The following TOGARAM1 variants were observed in gnomAD, a reference collection of about 807,000 sequenced individuals.
TOGARAM1 encodes TOG array regulator of axonemal microtubules protein 1.
Under a neutral mutation model 166.6 loss-of-function variants are expected in TOGARAM1, and 100 were observed. That is an observed-to-expected ratio of 0.60 (90% CI 0.51 to 0.71). The LOEUF (loss-of-function observed/expected upper bound fraction) is 0.71. Ranked by LOEUF, TOGARAM1 falls within the 30% of genes least tolerant of loss-of-function variation. The probability of loss-of-function intolerance (pLI) is 0.00; values close to 1 mark genes in which losing one functional copy is unlikely to be tolerated. For missense variants in TOGARAM1, 2,029 were observed against 2,102.7 expected, an observed-to-expected ratio of 0.96 and a Z score of 0.69; for synonymous variants, 758 against 763.8, an observed-to-expected ratio of 0.99 and a Z score of 0.13.
At chr14:45,021,798 T>G (rs1318714936) in intron 7 of TOGARAM1, among the ~76,000 whole-genome samples, 1 of 152,132 alleles carries the variant, frequency 6.6e-6, no homozygotes, top group Non-Finnish European at 1.5e-5. Context: ...TTCCTTTCCC[T>G]CTTCTCAGGG....
intron 11 of TOGARAM1, among the ~76,000 whole-genome samples, chr14:45,038,329 G>A (rs376916363): frequency 6.6e-5 from 10 of 152,318 alleles, no homozygotes; most frequent in East Asian, 1.9e-4. Flanking sequence ...GGCTCTTTCC[G>A]CCCACTTGGC....
rs748977753 is a variant in TOGARAM1, at chr14:44,964,192, G to T, written c.1771G>T (p.Val591Leu). The T allele has an allele frequency of 9.9e-6, 16 of 1,614,078 alleles. No individual in the cohort carries two copies. In the Admixed American group the frequency reaches 2.5e-4, roughly 25 times the overall value. The change falls in exon 1 of 20, where the codon GTA becomes TTA. Residue 591 changes from valine to leucine, a missense_variant. Around this residue, in one of 2 missense-constraint regions of TOGARAM1, gnomAD observed 1,453 missense variants for 1,432.2 expected, o/e 1.01. Transcript: ENST00000361462. ...LTEQGFVEYA[V>L]LMPSSAGGRS... ...AGAGCAGGGATTTGTGGAATATGCA[G>T]TACTGATGCCATCTTCTGCCGGGGG...
chr14:45,024,438 C>CT (rs1411682075), intron 7 of TOGARAM1, among the ~76,000 whole-genome samples: 1 of 144,344 alleles, frequency 6.9e-6, no homozygotes, highest in Non-Finnish European at 1.5e-5. Context: ...TTCAACATTT[C>CT]TTTAAGAAAA....
chr14:45,001,077 T>A (rs373169931), intron 3 of TOGARAM1, among the ~76,000 whole-genome samples: 2 of 152,190 alleles, frequency 1.3e-5, no homozygotes, highest in South Asian at 2.1e-4. Flanking sequence ...CTATAGTGGC[T>A]GTACTAATTT....
rs1887084719 is a variant in TOGARAM1 at position 44,990,892 on chromosome 14, T to TCCCACCTCA, written c.2047-4853_2047-4845dup. ...TCTTGGACTTGGGCTCAAGTGACCC[T>TCCCACCTCA]CCCACCTCAGCCTCCCAAAATGCAG... On this transcript the variant is annotated intron_variant, in intron 1 of 19. Coordinates refer to ENST00000361462, the MANE Select transcript of TOGARAM1 (RefSeq NM_001308120.2). Among the ~76,000 whole-genome samples, 5 of 143,524 alleles carry TCCCACCTCA rather than the reference T, an allele frequency of 3.5e-5. No individual in the cohort carries two copies. The South Asian group carries it at 1.1e-3, about 33-fold the overall frequency. 94.2% of individuals were successfully genotyped at this position (143,524 alleles called of 152,430 possible).
chr14:44,969,145 CCTTTCTTT>C (rs1555341650), intron 1 of TOGARAM1, among the ~76,000 whole-genome samples: 2 of 116,298 alleles, frequency 1.7e-5, no homozygotes, highest in Non-Finnish European at 3.5e-5. Context: ...TTCCTTCCTT[CCTTTCTTT>C]CTTTCTTTTC....
chr14:44,963,521 A>C lies in TOGARAM1; in HGVS notation c.1100A>C (p.Asn367Thr). Residue 367 changes from asparagine to threonine, a missense_variant, in exon 1 of 20, where the codon AAC (asparagine) becomes ACC (threonine). Transcript: ENST00000361462. The part of the protein sequence containing the change: ...SRLLDQEDYK[N>T]RTQAVEELKQ... ...TTATTGGATCAGGAAGACTATAAGA[A>C]CCGGACCCAGGCCGTCGAAGAACTA... 6.2e-7 allele frequency: 1 copy of C among 1,614,196 alleles called. No homozygotes were observed. Among genetic ancestry groups the C allele is most frequent in the Non-Finnish European group, 8.5e-7 (1 of 1,180,032 alleles).
At chr14:45,070,083 G>A (rs1262613493) in intron 18 of TOGARAM1, among the ~76,000 whole-genome samples, 1 of 152,112 alleles carries the variant, frequency 6.6e-6, no homozygotes, top group East Asian at 1.9e-4. Flanking sequence ...TTGGGAGGCT[G>A]AGGCAGGAGA....
chr14:45,037,560 A>C (rs1488852679), intron 11 of TOGARAM1, among the ~76,000 whole-genome samples: 1 of 152,186 alleles, frequency 6.6e-6, no homozygotes, highest in Non-Finnish European at 1.5e-5. Context: ...TATAGTTATA[A>C]AGGAATTAAT....
chr14:45,043,646 C>T, intron 11 of TOGARAM1, 40 bp from the exon 12 acceptor site: 1 of 1,079,162 alleles, frequency 9.3e-7, no homozygotes, highest in Non-Finnish European at 1.4e-6. Context: ...CCAGTTGAGT[C>T]CCATTTAACG....
Position 45,066,712 on chromosome 14 carries a change from A to G in TOGARAM1, c.4694A>G (p.Gln1565Arg), listed in dbSNP as rs1566676736. 6.2e-7 allele frequency: 1 copy of G among 1,613,628 alleles called. No homozygotes were observed. Among genetic ancestry groups the G allele is most frequent in the East Asian group, 2.2e-5 (1 of 44,858 alleles). The change falls in exon 17 of 20, where the codon CAG becomes CGG. Residue 1565 changes from glutamine (Q) to arginine (R), a missense_variant. By Grantham distance (43) the Gln-to-Arg change is conservative. This residue lies in a region of TOGARAM1 where 576 missense variants were observed against 670.5 expected (regional missense o/e 0.86). Transcript: ENST00000361462. ...DFRDRINGIK[Q>R]LLSDTENNQD... The stretch of plus-strand genomic sequence containing the variant: ...CGTGATCGTATTAATGGGATTAAGC[A>G]GCTTTTATCAGATACAGAAAATAAT...
Position 45,073,622 on chromosome 14 carries a change from C to A in TOGARAM1, c.*61C>A. The A allele has an allele frequency of 6.7e-7, 1 of 1,499,718 alleles. No homozygotes were observed. The allele number at this position is 1,499,718 out of a possible 1,614,324, so 92.9% of individuals were successfully genotyped here. ...TTTACATGATGACAAATGGAACTTT[C>A]TAAAAGTTATGTTATCAGTGCCTGC... On this transcript the variant is annotated 3_prime_UTR_variant, in exon 20 of 20. Transcript: ENST00000361462.
chr14:45,042,452 C>CAA (rs942371975), intron 11 of TOGARAM1: 2 of 152,118 alleles, frequency 1.3e-5, no homozygotes, highest in African/African-American at 4.8e-5. Flanking sequence ...AACACACACA[C>CAA]ACACACATAC....
In TOGARAM1 at chr14:44,963,686, T is replaced by A. The variant is rs1311354559; in HGVS notation, c.1265T>A (p.Val422Asp). 3 of 1,613,770 alleles carry A rather than the reference T, an allele frequency of 1.9e-6. No homozygotes were observed. The highest frequency in any genetic ancestry group is 2.5e-6 in the Non-Finnish European group (3 of 1,180,032). The change falls in exon 1 of 20, where the codon GTT becomes GAT. Residue 422 changes from valine to aspartate, a missense_variant. Val to Asp is a radical substitution (Grantham distance 152). Transcript: ENST00000361462. ...HGTLEVLHLL[V>D]IRLGEQVQQF... ...ACACTTGAAGTCCTGCATTTACTGG[T>A]TATTCGCCTTGGAGAGCAGGTACAG...
chr14:45,055,076 G>C (rs1207809095), intron 16 of TOGARAM1, among the ~76,000 whole-genome samples: 3 of 151,936 alleles, frequency 2.0e-5, no homozygotes, highest in African/African-American at 7.3e-5. Flanking sequence ...AAATTAGCCG[G>C]GCCTGGTGGT....
At chr14:44,987,865 A>T (rs1192988039) in intron 1 of TOGARAM1, among the ~76,000 whole-genome samples, 2 of 149,592 alleles carry the variant, frequency 1.3e-5, no homozygotes, top group Non-Finnish European at 3.0e-5. Flanking sequence ...CAAATGTCCA[A>T]CAATGATAGA....
At chr14:44,977,436 C>G (rs1176837485) in intron 1 of TOGARAM1, among the ~76,000 whole-genome samples, 1 of 150,996 alleles carries the variant, frequency 6.6e-6, no homozygotes, top group Non-Finnish European at 1.5e-5. Flanking sequence ...CGGGGTTTCA[C>G]CGTGTTAGCT....
intron 7 of TOGARAM1, among the ~76,000 whole-genome samples, chr14:45,017,740 C>A (rs941495187): frequency 1.3e-5 from 2 of 152,126 alleles, no homozygotes; most frequent in Non-Finnish European, 2.9e-5. Flanking sequence ...AAAAACTTAG[C>A]TGAGCGTGGT....
chr14:45,036,130 T>TAAAAA (rs770145117), intron 11 of TOGARAM1, among the ~76,000 whole-genome samples: 1 of 29,154 alleles, frequency 3.4e-5, no homozygotes, highest in Non-Finnish European at 9.1e-5. Flanking sequence ...ACCTTGTCTC[T>TAAAAA]AAAAAAAAAA....
Sources: gnomAD v4.1 joint callset for allele counts (sites outside exome capture counted in the v4.1 genomes callset) on GRCh38, gnomAD v4.1.1 for gene constraint, gnomAD v4.1.1 regional missense constraint, MANE v1.5 for transcripts, NCBI Gene and HGNC (gene_info 2026-07-23, HGNC 2026-07-21) for gene names.